MPDZ: variants seen among roughly 807,000 people sequenced by gnomAD.
MPDZ encodes the protein multiple PDZ domain protein.
Under a neutral mutation model 239.1 loss-of-function variants are expected in MPDZ, and 234 were observed. That is an observed-to-expected ratio of 0.98 (90% CI 0.88 to 1.09). The LOEUF (loss-of-function observed/expected upper bound fraction) is 1.09. Ranked by LOEUF, MPDZ falls within the 50% of genes least tolerant of loss-of-function variation. The pLI is 0.00. For synonymous variants in MPDZ, 1,048 were observed against 881.3 expected, an observed-to-expected ratio of 1.19 and a Z score of -3.35; for missense variants, 3,175 against 2,510.0, an observed-to-expected ratio of 1.26 and a Z score of -5.66.
chr9:13,152,312 C>T (rs1266799432), intron 24 of MPDZ, among the ~76,000 whole-genome samples: 1 of 152,106 alleles, frequency 6.6e-6, no homozygotes, highest in East Asian at 1.9e-4. Context: ...TGGCTGTGTC[C>T]TCACCCAAAT....
chr9:13,120,921 C>T (rs1469320722), intron 38 of MPDZ, among the ~76,000 whole-genome samples: 2 of 152,158 alleles, frequency 1.3e-5, no homozygotes, highest in Non-Finnish European at 2.9e-5. Flanking sequence ...TGAATGCTGA[C>T]TTCACAAGTT....
rs898038277 is a variant in MPDZ, at chr9:13,126,427, C to T, written c.4632+89G>A. ...GAACATGTCTAATACAGCTACATAA[C>T]CCTAATTCTCTATGATCGCAGACAC... On this transcript the variant is annotated intron_variant, in intron 34 of 46. Transcript: ENST00000319217. 3.6e-6 allele frequency: 3 copies of T among 835,148 alleles called. No homozygotes were observed. The African/African-American group carries it at 5.1e-5, about 14-fold the overall frequency. The allele number at this position is 835,148 out of a possible 1,614,324, so 51.7% of individuals were successfully genotyped here.
At chr9:13,129,822 G>C (rs1168738052) in intron 32 of MPDZ, among the ~76,000 whole-genome samples, 1 of 152,058 alleles carries the variant, frequency 6.6e-6, no homozygotes, top group South Asian at 2.1e-4. Context: ...AAATAGCTGG[G>C]ACTACAGGCA....
rs756253584 is a variant in MPDZ, at chr9:13,136,191, A to C, written c.4293-9T>G. ...TCACTGCATCTTTATTTCTAAAAGC[A>C]AAAAAACAACAACCTATTATAACAT... On this transcript the variant is annotated splice_polypyrimidine_tract_variant and intron_variant, in intron 30 of 46. Coordinates refer to ENST00000319217, the MANE Select transcript of MPDZ (RefSeq NM_001378778.1). 3.5e-5 allele frequency: 55 copies of C among 1,583,534 alleles called. No individual in the cohort carries two copies. Among genetic ancestry groups the C allele is most frequent in the Non-Finnish European group, 4.6e-5 (53 of 1,154,828 alleles).
At chr9:13,123,000 A>G (rs901048272) in intron 36 of MPDZ, among the ~76,000 whole-genome samples, 153 bp downstream of exon 36, 3 of 152,232 alleles carry the variant, frequency 2.0e-5, no homozygotes, top group South Asian at 2.1e-4. Flanking sequence ...CCCGTATCCA[A>G]TTGAATATTT....
At chr9:13,165,524 G>A (rs766070148) in intron 22 of MPDZ, 1 of 1,287,272 alleles carries the variant, frequency 7.8e-7, no homozygotes, top group Non-Finnish European at 1.1e-6. Context: ...GCTCCTGGTT[G>A]TTTTTTTTCC....
At chr9:13,158,164 G>T in intron 23 of MPDZ, 54 bp from the exon 24 acceptor site, 2 of 1,356,090 alleles carry the variant, frequency 1.5e-6, no homozygotes, top group Non-Finnish European at 2.1e-6. Flanking sequence ...AAACATGCAA[G>T]ATTATATGTA....
intron 1 of MPDZ, among the ~76,000 whole-genome samples, chr9:13,272,506 T>C (rs921473591): frequency 6.6e-6 from 1 of 151,232 alleles, no homozygotes; most frequent in African/African-American, 2.4e-5. Context: ...TGGGAAAGGG[T>C]TGGAAGGGTC....
At position 13,210,371 on chromosome 9, in the gene MPDZ, G is replaced by T. The variant is rs190039499; in HGVS notation, c.1291-4272C>A. On this transcript the variant is annotated intron_variant, in intron 10 of 46. Transcript: ENST00000319217. ...AAGAACTACAATTCACACACATTCA[G>T]GGCATAAAAGAACTAAGTGTTGTTA... Among the ~76,000 whole-genome samples, 141 of 151,616 alleles carry T rather than the reference G, an allele frequency of 9.3e-4. 1 individual carries two copies. The highest frequency in any genetic ancestry group is 3.2e-3 in the African/African-American group (134 of 41,404).
intron 39 of MPDZ, among the ~76,000 whole-genome samples, chr9:13,118,786 C>G (rs984230620): frequency 6.6e-6 from 1 of 152,118 alleles, no homozygotes. Flanking sequence ...TAAAATGAAA[C>G]TGGTTCTGCC....
intron 5 of MPDZ, among the ~76,000 whole-genome samples, chr9:13,223,031 G>A (rs1959250419): frequency 6.6e-6 from 1 of 152,028 alleles, no homozygotes; most frequent in Non-Finnish European, 1.5e-5. Context: ...TGTTTACATA[G>A]GATTTGCACT....
At chr9:13,131,259 T>C (rs1282777274) in intron 32 of MPDZ, among the ~76,000 whole-genome samples, 1 of 152,110 alleles carries the variant, frequency 6.6e-6, no homozygotes, top group Non-Finnish European at 1.5e-5. Flanking sequence ...TTTGTAACAA[T>C]GGCTTCCTCA....
rs372055644 is a variant in MPDZ at position 13,176,558 on chromosome 9, AACACAATTCCTC to A, written c.2650-153_2650-142del. ...ATTTATTACTCAAAAAGCATTAACA[AACACAATTCCTC>A]ACTTAGCAGATTTTCTGCATATCTT... On this transcript the variant is annotated intron_variant, in intron 19 of 46. Transcript: ENST00000319217. 34 of 764,522 alleles carry A rather than the reference AACACAATTCCTC, an allele frequency of 4.4e-5. No individual in the cohort carries two copies. In the East Asian group the frequency reaches 9.4e-4, roughly 21 times the overall value. 47.4% of individuals were successfully genotyped at this position (764,522 alleles called of 1,614,324 possible). A position where few individuals can be genotyped will look rare whatever the true frequency, so the allele number is the denominator to read the frequency against.
intron 31 of MPDZ, chr9:13,134,556 AC>A (rs1946467580): frequency 6.6e-6 from 1 of 151,992 alleles, no homozygotes; most frequent in South Asian, 2.1e-4. Flanking sequence ...TCCTACAGGT[AC>A]CCCCACTGAT....
In MPDZ at chr9:13,168,472, T is replaced by A. The variant is rs1410923136; in HGVS notation, c.3148A>T (p.Ile1050Phe). 6.2e-7 allele frequency: 1 copy of A among 1,613,468 alleles called. No individual in the cohort carries two copies. The highest frequency in any genetic ancestry group is 1.3e-5 in the African/African-American group (1 of 74,914). Reference sequence around the variant, plus strand: ...TTAATGGACAAGATGCAGTCCCCAATGGCAATCCGGCCATCTCGACTAATG... The same window carrying A: ...TTAATGGACAAGATGCAGTCCCCAAAGGCAATCCGGCCATCTCGACTAATG... The part of the protein sequence containing the change: ...GAISRDGRIA[I>F]GDCILSINEE... The change falls in exon 22 of 47, where the codon ATT becomes TTT. Residue 1050 changes from isoleucine (I) to phenylalanine (F), a missense_variant. Physicochemically the swap from Ile to Phe is conservative, Grantham distance 21. Transcript: ENST00000319217.
chr9:13,183,549 T>G lies in MPDZ; in HGVS notation c.2518A>C (p.Thr840Pro). 6.2e-7 allele frequency: 1 copy of G among 1,612,568 alleles called. No homozygotes were observed. Among genetic ancestry groups the G allele is most frequent in the South Asian group, 1.1e-5 (1 of 91,024 alleles). Residue 840 changes from threonine to proline, a missense_variant, in exon 19 of 47, where the codon ACA (threonine) becomes CCA (proline). Coordinates refer to ENST00000319217, the MANE Select transcript of MPDZ (RefSeq NM_001378778.1). ...TCAGGAGAGTATGGAGACTCAAATG[T>G]GGATTCATCTACTAAGTCAGCATCA... The part of the protein sequence containing the change: ...TNDADLVDES[T>P]FESPYSPEND...
At chr9:13,125,109 CT>C in intron 35 of MPDZ, 106 bp downstream of exon 35, 1 of 1,081,320 alleles carries the variant, frequency 9.2e-7, no homozygotes, top group Non-Finnish European at 1.3e-6. Flanking sequence ...TGACTACAAC[CT>C]TCCAAACAGT....
At chr9:13,165,429 C>T (rs763105507) in intron 22 of MPDZ, 15 of 1,547,970 alleles carry the variant, frequency 9.7e-6, no homozygotes, top group South Asian at 4.8e-5. Flanking sequence ...AAGCATACGC[C>T]GCGGCATCTT....
intron 12 of MPDZ, among the ~76,000 whole-genome samples, chr9:13,197,792 T>C (rs950615728): frequency 2.0e-5 from 3 of 151,960 alleles, no homozygotes; most frequent in Admixed American, 1.3e-4. Flanking sequence ...CATTCTACTC[T>C]CTATTTCCAG....
Sources: gnomAD v4.1 joint callset for allele counts (sites outside exome capture counted in the v4.1 genomes callset) on GRCh38, gnomAD v4.1.1 for gene constraint, MANE v1.5 for transcripts, NCBI Gene and HGNC (gene_info 2026-07-23, HGNC 2026-07-21) for gene names.